PSD4: variants seen among roughly 807,000 people sequenced by gnomAD.
The protein encoded by PSD4 is pleckstrin and Sec7 domain containing 4, also known as PH and SEC7 domain-containing protein 4.
In PSD4, 59 loss-of-function variants were observed where a neutral mutation model predicts 112.5. The observed-to-expected ratio is 0.52, with a 90% CI of 0.43 to 0.65. The LOEUF (loss-of-function observed/expected upper bound fraction) is 0.65, where lower values mean the gene tolerates loss of function less well. Ranked by LOEUF, PSD4 falls within the 30% of genes least tolerant of loss-of-function variation. The pLI, the probability that PSD4 is intolerant of heterozygous loss-of-function variation, is 0.00. For synonymous variants in PSD4, 533 were observed against 540.0 expected (o/e 0.99, Z 0.18); for missense variants, 1,267 against 1,352.6 (o/e 0.94, Z 0.99).
At position 113,186,232 on chromosome 2, in the gene PSD4, C is replaced by T. The variant is rs1688297177; in HGVS notation, c.1605C>T (p.Asp535=). Residue 535 remains aspartate, a synonymous_variant, in exon 5 of 17, where the codon GAC becomes GAT. Transcript: ENST00000245796. The stretch of plus-strand genomic sequence containing the variant: ...CAGAGACTGGAGACGTCCAGCCTGA[C>T]ATTCACCTGACTTCTGCAGAACAGT... ...RPAETGDVQP[D]IHLTSAEHEN... 1.3e-6 allele frequency: 2 copies of T among 1,596,170 alleles called. No individual in the cohort carries two copies.
At chr2:113,200,151 C>G (rs1312336302) in intron 16 of PSD4, among the ~76,000 whole-genome samples, 1 of 152,108 alleles carries the variant, frequency 6.6e-6, no homozygotes, top group Non-Finnish European at 1.5e-5. Context: ...ACTCTACAGC[C>G]CATGTTGAAA....
At position 113,204,582 on chromosome 2, in the gene PSD4, G is replaced by A. The variant is rs901088597; in HGVS notation, c.*3167G>A. ...GCTCTGGAAGGGCACTTGAAGTTTG[G>A]CTTTAGTTCTTCCTTTCCCATATAG... On this transcript the variant is annotated 3_prime_UTR_variant, in exon 17 of 17. Coordinates refer to ENST00000245796, the MANE Select transcript of PSD4 (RefSeq NM_012455.3). 6.6e-6 allele frequency: 1 copy of A among 152,274 alleles called. No homozygotes were observed. The highest frequency in any genetic ancestry group is 2.4e-5 in the African/African-American group (1 of 41,432). The allele number at this position is 152,274 out of a possible 1,614,324, so 9.4% of individuals were successfully genotyped here.
chr2:113,182,990 A>G lies in PSD4; in HGVS notation c.534A>G (p.Glu178=). ...TGGAGGAGGAGCTGGAGAAGACGGA[A>G]GGGCTCAAGGCTGGGCTGAAATGCT... ...LDLEEELEKT[E]GLKAGLKCCL... Residue 178 remains glutamate (E), a synonymous_variant, in exon 2 of 17, where the codon GAA becomes GAG. Coordinates refer to ENST00000245796, the MANE Select transcript of PSD4 (RefSeq NM_012455.3). 1 of 1,614,158 alleles carries G rather than the reference A, an allele frequency of 6.2e-7. No individual in the cohort carries two copies. The highest frequency in any genetic ancestry group is 1.1e-5 in the South Asian group (1 of 91,078).
chr2:113,186,558 G>A (rs1688306266), intron 5 of PSD4, among the ~76,000 whole-genome samples: 1 of 152,168 alleles, frequency 6.6e-6, no homozygotes, highest in Non-Finnish European at 1.5e-5. Flanking sequence ...AGGTGTCCAG[G>A]GAACCTGAGC....
Position 113,197,561 on chromosome 2 carries a change from C to T in PSD4, c.2387-3C>T, listed in dbSNP as rs1469944358. The T allele has an allele frequency of 6.2e-7, 1 of 1,614,194 alleles. No homozygotes were observed. The highest frequency in any genetic ancestry group is 8.5e-7 in the Non-Finnish European group (1 of 1,180,020). On this transcript the variant is annotated splice_region_variant and splice_polypyrimidine_tract_variant and intron_variant, in intron 12 of 16. Coordinates refer to ENST00000245796, the MANE Select transcript of PSD4 (RefSeq NM_012455.3). ...CAACATTTGTGTTCTGTTCCTGGAA[C>T]AGCGCCATGGGGCAAGCGTGGCTGG...
At chr2:113,174,158 G>A (rs1475763583) in intron 1 of PSD4, 104 bp downstream of exon 1, 1 of 152,916 alleles carries the variant, frequency 6.5e-6, no homozygotes, top group Non-Finnish European at 1.5e-5. Flanking sequence ...GGGGCAGGTG[G>A]GCAGGGGAGA....
At position 113,186,092 on chromosome 2, in the gene PSD4, C is replaced by G; in HGVS notation, c.1465C>G (p.Gln489Glu). 6.2e-7 allele frequency: 1 copy of G among 1,614,236 alleles called. No homozygotes were observed. Among genetic ancestry groups the G allele is most frequent in the Non-Finnish European group, 8.5e-7 (1 of 1,180,048 alleles). ...GCCCAAGTGGACACTAGATGCTTCA[C>G]AGTCTTCACTCTTGGAGACGGATGG... Reference protein sequence around the residue: ...ILPKWTLDASQSSLLETDGEQ... With the variant: ...ILPKWTLDASESSLLETDGEQ... Residue 489 changes from glutamine (Q) to glutamate (E), a missense_variant, in exon 5 of 17, where the codon CAG becomes GAG. Around this residue, in one of 2 missense-constraint regions of PSD4, gnomAD observed 723 missense variants for 704.0 expected, o/e 1.03. Coordinates refer to ENST00000245796, the MANE Select transcript of PSD4 (RefSeq NM_012455.3).
chr2:113,189,222 CTGTGAG>C (rs1688387133), intron 5 of PSD4, among the ~76,000 whole-genome samples: 1 of 151,932 alleles, frequency 6.6e-6, no homozygotes, highest in Non-Finnish European at 1.5e-5. Flanking sequence ...ATCCAGGTTG[CTGTGAG>C]TGCCATTAAT....
Position 113,182,483 on chromosome 2 carries a change from C to A in PSD4, c.27C>A (p.Asp9Glu). Residue 9 changes from aspartate to glutamate, a missense_variant, in exon 2 of 17, where the codon GAC becomes GAA. This residue lies in a region of PSD4 where 723 missense variants were observed against 704.0 expected (regional missense o/e 1.03). Transcript: ENST00000245796. MMGDYRLP[D>E]HPQPMEILNL... is the part of the protein sequence containing the mutation. The stretch of plus-strand genomic sequence containing the variant: ...TGATGGGTGACTACAGACTCCCTGA[C>A]CACCCCCAGCCCATGGAAATTCTCA... 6.2e-7 allele frequency: 1 copy of A among 1,612,734 alleles called. No homozygotes were observed. Among genetic ancestry groups the A allele is most frequent in the South Asian group, 1.1e-5 (1 of 90,992 alleles).
At chr2:113,177,096 C>T (rs1218218191) in intron 1 of PSD4, among the ~76,000 whole-genome samples, 1 of 152,220 alleles carries the variant, frequency 6.6e-6, no homozygotes, top group African/African-American at 2.4e-5. Flanking sequence ...GGGTTGCTGC[C>T]TGGGAGCCAA....
Position 113,183,412 on chromosome 2 carries a change from C to T in PSD4, c.956C>T (p.Pro319Leu). The T allele has an allele frequency of 6.4e-7, 1 of 1,574,440 alleles. No individual in the cohort carries two copies. The highest frequency in any genetic ancestry group is 8.6e-7 in the Non-Finnish European group (1 of 1,161,228). ...GAAISGHCTP[P>L]FPVPIYKPHS... ...GCTATCAGTGGGCATTGTACCCCTC[C>T]ATTCCCTGTGCCCATCTATAAACCA... The change falls in exon 2 of 17, where the codon CCA becomes CTA. Residue 319 changes from proline (P) to leucine (L), a missense_variant. Physicochemically the swap from Pro to Leu is moderately conservative, Grantham distance 98 (BLOSUM62 -3). This residue lies in a region of PSD4 where 723 missense variants were observed against 704.0 expected (regional missense o/e 1.03). Coordinates refer to ENST00000245796, the MANE Select transcript of PSD4 (RefSeq NM_012455.3).
chr2:113,191,768 G>T (rs1006343655), intron 5 of PSD4, among the ~76,000 whole-genome samples: 1 of 152,102 alleles, frequency 6.6e-6, no homozygotes, highest in Non-Finnish European at 1.5e-5. Flanking sequence ...GTTCTGAGTC[G>T]GCTGGGGGTC....
In PSD4 at chr2:113,204,996, C is replaced by G. The variant is rs1397634993; in HGVS notation, c.*3581C>G. 1 of 151,202 alleles carries G rather than the reference C, an allele frequency of 6.6e-6. No individual in the cohort carries two copies. Among genetic ancestry groups the G allele is most frequent in the Non-Finnish European group, 1.5e-5 (1 of 68,114 alleles). 9.4% of individuals were successfully genotyped at this position (151,202 alleles called of 1,614,324 possible). On this transcript the variant is annotated 3_prime_UTR_variant, in exon 17 of 17. Coordinates refer to ENST00000245796, the MANE Select transcript of PSD4 (RefSeq NM_012455.3). ...CTTTTTTTTTTTTTTGAGACAGAGT[C>G]TCGCTCTGTTGCCCAGGCTGGAGTG...
chr2:113,177,768 G>T (rs571731030), intron 1 of PSD4, among the ~76,000 whole-genome samples: 1 of 152,260 alleles, frequency 6.6e-6, no homozygotes, highest in South Asian at 2.1e-4. Flanking sequence ...ACACAGTGGC[G>T]AACAGGAAAC....
chr2:113,177,293 G>A (rs1450532304), intron 1 of PSD4, among the ~76,000 whole-genome samples: 4 of 152,210 alleles, frequency 2.6e-5, no homozygotes, highest in East Asian at 1.9e-4. Flanking sequence ...GGTCTTCCCC[G>A]TCTTCTGGCC....
chr2:113,192,657 C>T, intron 6 of PSD4, 68 bp downstream of exon 6: 1 of 1,504,022 alleles, frequency 6.6e-7, no homozygotes, highest in Non-Finnish European at 9.1e-7. Context: ...TGAAGGGCTC[C>T]CTCCACTGGC....
chr2:113,192,903 T>C (rs1558893115), intron 6 of PSD4, 145 bp from the exon 7 acceptor site: 9 of 771,414 alleles, frequency 1.2e-5, no homozygotes, highest in Non-Finnish European at 4.2e-6. Flanking sequence ...CCCCTTGCTC[T>C]GTCAGGACCC....
chr2:113,187,149 C>T (rs576909244), intron 5 of PSD4, among the ~76,000 whole-genome samples: 6 of 152,318 alleles, frequency 3.9e-5, no homozygotes, highest in Admixed American at 2.0e-4. Context: ...AGGAGAACCC[C>T]GAGAGGAAGG....
Position 113,195,675 on chromosome 2 carries a change from T to C in PSD4, c.2182-52T>C, listed in dbSNP as rs1037332653. 2.1e-5 allele frequency: 34 copies of C among 1,608,766 alleles called. No individual in the cohort carries two copies. The South Asian group carries it at 2.2e-4, about 10-fold the overall frequency. Reference sequence around the variant, plus strand: ...CTACCTCTGCCAGACAAAGAGACTTTAGGCTCCACAGCCCTGAGGCTCCCC... The same window carrying C: ...CTACCTCTGCCAGACAAAGAGACTTCAGGCTCCACAGCCCTGAGGCTCCCC... On this transcript the variant is annotated intron_variant, in intron 10 of 16. Transcript: ENST00000245796.
Sources: gnomAD v4.1 joint callset for allele counts (sites outside exome capture counted in the v4.1 genomes callset) on GRCh38, gnomAD v4.1.1 for gene constraint, gnomAD v4.1.1 regional missense constraint, MANE v1.5 for transcripts, NCBI Gene and HGNC (gene_info 2026-07-23, HGNC 2026-07-21) for gene names.